The following PEX5L variants were observed in gnomAD, a reference collection of about 807,000 sequenced individuals.
The protein encoded by PEX5L is PEX5-related protein.
A neutral mutation model predicts 84.0 loss-of-function variants in PEX5L; 30 were observed. The observed-to-expected ratio is 0.36, with a 90% CI of 0.27 to 0.48. The LOEUF (loss-of-function observed/expected upper bound fraction) is 0.48. Ranked by LOEUF, PEX5L falls within the 20% of genes least tolerant of loss-of-function variation. PEX5L has a pLI of 0.99. For missense variants in PEX5L, 533 were observed against 754.6 expected (o/e 0.71, Z 3.44); for synonymous variants, 270 against 283.1 (o/e 0.95, Z 0.46).
chr3:179,931,430 C>G (rs1201780871), intron 2 of PEX5L, among the ~76,000 whole-genome samples: 2 of 152,106 alleles, frequency 1.3e-5, no homozygotes, highest in South Asian at 2.1e-4. Flanking sequence ...AACAGAGAGC[C>G]CAGGATTCCT....
chr3:179,883,612 C>T (rs986533945), intron 4 of PEX5L, among the ~76,000 whole-genome samples: 2 of 152,090 alleles, frequency 1.3e-5, no homozygotes, highest in Non-Finnish European at 2.9e-5. Context: ...GGAGAAACCC[C>T]GTCTCTACTA....
intron 1 of PEX5L, among the ~76,000 whole-genome samples, chr3:179,972,880 C>T (rs770493608): frequency 6.6e-6 from 1 of 151,646 alleles, no homozygotes; most frequent in Non-Finnish European, 1.5e-5. Flanking sequence ...ATAAATAAAA[C>T]ACAAATTCTC....
At chr3:179,979,052 GC>G (rs1786067263) in intron 1 of PEX5L, among the ~76,000 whole-genome samples, 1 of 152,112 alleles carries the variant, frequency 6.6e-6, no homozygotes, top group African/African-American at 2.4e-5. Flanking sequence ...AACGAAAGTG[GC>G]AAGTGACTTC....
chr3:179,954,990 T>C (rs145628489), intron 2 of PEX5L, among the ~76,000 whole-genome samples: 1 of 152,218 alleles, frequency 6.6e-6, no homozygotes, highest in Non-Finnish European at 1.5e-5. Context: ...TGTCTATATT[T>C]GTGTTTTAAA....
At position 179,809,679 on chromosome 3, in the gene PEX5L, A is replaced by AC; in HGVS notation, c.1155-12_1155-11insG. 1 of 1,577,246 alleles carries AC rather than the reference A, an allele frequency of 6.3e-7. No individual in the cohort carries two copies. Among genetic ancestry groups the AC allele is most frequent in the Non-Finnish European group, 8.6e-7 (1 of 1,169,234 alleles). On this transcript the variant is annotated splice_polypyrimidine_tract_variant and intron_variant, in intron 11 of 14. Transcript: ENST00000467460. ...TGTAATTCTAAGCACCTGAAAAAAA[A>AC]AAAGAAGCCAATTTCAGATTTTTTT...
intron 2 of PEX5L, among the ~76,000 whole-genome samples, chr3:179,955,599 G>A (rs750856634): frequency 1.3e-5 from 2 of 150,662 alleles, no homozygotes; most frequent in Non-Finnish European, 2.9e-5. Flanking sequence ...TTTCTTGACT[G>A]CTAAATAAAG....
At chr3:179,955,735 T>C (rs1299733834) in intron 2 of PEX5L, among the ~76,000 whole-genome samples, 2 of 152,144 alleles carry the variant, frequency 1.3e-5, no homozygotes, top group South Asian at 2.1e-4. Flanking sequence ...TATAATCTTT[T>C]GGGGCAGTTG....
At chr3:179,858,050 AT>A (rs1695053586) in intron 8 of PEX5L, among the ~76,000 whole-genome samples, 1 of 152,344 alleles carries the variant, frequency 6.6e-6, no homozygotes, top group East Asian at 1.9e-4. Context: ...AATTGAAAGA[AT>A]CCTTTAAATA....
chr3:179,812,995 A>G (rs1001651741), intron 10 of PEX5L, among the ~76,000 whole-genome samples: 2 of 152,182 alleles, frequency 1.3e-5, no homozygotes, highest in African/African-American at 4.8e-5. Context: ...CTCATGGGTT[A>G]TAATTACATA....
At chr3:179,922,644 G>A (rs1769932611) in intron 2 of PEX5L, among the ~76,000 whole-genome samples, 1 of 151,604 alleles carries the variant, frequency 6.6e-6, no homozygotes, top group Non-Finnish European at 1.5e-5. Context: ...AGTAGAGACG[G>A]GGTCTCACCA....
chr3:179,954,491 G>C (rs1780000415), intron 2 of PEX5L, among the ~76,000 whole-genome samples: 1 of 152,174 alleles, frequency 6.6e-6, no homozygotes, highest in South Asian at 2.1e-4. Context: ...AGTGGCAGCA[G>C]GTGACCGGCA....
At chr3:179,969,428 C>A (rs571629986) in intron 2 of PEX5L, among the ~76,000 whole-genome samples, 1 of 151,844 alleles carries the variant, frequency 6.6e-6, no homozygotes, top group African/African-American at 2.4e-5. Flanking sequence ...CGAGATGAGG[C>A]AATATTCATT....
rs549224027 is a variant in PEX5L at position 179,953,893 on chromosome 3, G to A, written c.93+17701C>T. Among the ~76,000 whole-genome samples the A allele has an allele frequency of 1.6e-4, 25 of 152,282 alleles. No individual in the cohort carries two copies. In the South Asian group the frequency reaches 1.7e-3, roughly 10 times the overall value. Reference sequence around the variant, plus strand: ...ATGATGACCAACTGAAATGAATACAGTGAGAAAGAAAATGCTTAGCAACTA... The same window carrying A: ...ATGATGACCAACTGAAATGAATACAATGAGAAAGAAAATGCTTAGCAACTA... On this transcript the variant is annotated intron_variant, in intron 2 of 14. Transcript: ENST00000467460.
At chr3:180,000,620 T>C (rs1397652222) in intron 1 of PEX5L, among the ~76,000 whole-genome samples, 1 of 152,052 alleles carries the variant, frequency 6.6e-6, no homozygotes, top group African/African-American at 2.4e-5. Flanking sequence ...AGGACTGTAA[T>C]TGACATATTT....
intron 2 of PEX5L, among the ~76,000 whole-genome samples, chr3:179,914,126 T>C (rs1228192485): frequency 1.3e-5 from 2 of 152,214 alleles, no homozygotes; most frequent in Non-Finnish European, 1.5e-5. Flanking sequence ...GGTGCAAACA[T>C]GGCTCTTAGA....
intron 2 of PEX5L, chr3:179,900,872 A>G: frequency 3.2e-6 from 2 of 615,752 alleles, no homozygotes; most frequent in Non-Finnish European, 5.8e-6. Context: ...CAGAATGGGA[A>G]GGTCTGCCAC....
intron 14 of PEX5L, among the ~76,000 whole-genome samples, chr3:179,805,080 C>A (rs1230668988): frequency 6.6e-6 from 1 of 150,484 alleles, no homozygotes; most frequent in African/African-American, 2.4e-5. Context: ...GATTGCACCA[C>A]TGCACTCCAG....
chr3:179,860,837 A>G (rs774050080), intron 7 of PEX5L, among the ~76,000 whole-genome samples: 4 of 152,234 alleles, frequency 2.6e-5, no homozygotes, highest in Non-Finnish European at 4.4e-5. Flanking sequence ...CCAAAGTTAT[A>G]CAGCTAGTAA....
intron 8 of PEX5L, among the ~76,000 whole-genome samples, chr3:179,854,923 C>A (rs1184968568): frequency 6.6e-6 from 1 of 152,076 alleles, no homozygotes; most frequent in Non-Finnish European, 1.5e-5. Flanking sequence ...AAAACAAAGG[C>A]CTAGGTGATG....
Sources: allele counts gnomAD v4.1 joint callset (sites outside exome capture counted in the v4.1 genomes callset), GRCh38; gene constraint gnomAD v4.1.1; transcripts MANE v1.5; gene names NCBI Gene and HGNC (gene_info 2026-07-23, HGNC 2026-07-21).